SLC26A5: variants seen among roughly 807,000 people sequenced by gnomAD.
SLC26A5 encodes solute carrier family 26 member 5.
Under a neutral mutation model 81.0 loss-of-function variants are expected in SLC26A5, and 51 were observed. The observed-to-expected ratio is 0.63, with a 90% CI of 0.50 to 0.80. The LOEUF is 0.80. Ranked by LOEUF, SLC26A5 falls within the 30% of genes least tolerant of loss-of-function variation. The pLI is 0.00. For missense variants in SLC26A5, 771 were observed against 905.8 expected (o/e 0.85, Z 1.91); for synonymous variants, 325 against 332.8 (o/e 0.98, Z 0.25).
rs147357121 is a variant in SLC26A5 at position 103,375,620 on chromosome 7, G to A, written c.2042-1028C>T. Among the ~76,000 whole-genome samples, 570 of 152,256 alleles carry A rather than the reference G, an allele frequency of 3.7e-3. 4 individuals carry two copies. Among genetic ancestry groups the A allele is most frequent in the African/African-American group, 0.013 (539 of 41,548 alleles). On this transcript the variant is annotated intron_variant, in intron 19 of 19. Transcript: ENST00000306312. ...ATTATTATTTTTTCTTTTAAATAAA[G>A]ATGGGATCTCACTATGTTGCTTAGG...
chr7:103,388,924 C>T (rs1189414679), intron 14 of SLC26A5, 84 bp downstream of exon 14: 1 of 976,182 alleles, frequency 1.0e-6, no homozygotes, highest in Non-Finnish European at 1.6e-6. Flanking sequence ...TCCACTTCTA[C>T]CAACTTAAAC....
chr7:103,411,621 G>T, intron 5 of SLC26A5, 35 bp from the exon 6 acceptor site: 1 of 1,612,398 alleles, frequency 6.2e-7, no homozygotes, highest in Non-Finnish European at 8.5e-7. Flanking sequence ...CCTGTTCAGG[G>T]TTCAGAGTAT....
At chr7:103,420,708 A>C in intron 4 of SLC26A5, 30 bp downstream of exon 4, 1 of 1,613,448 alleles carries the variant, frequency 6.2e-7, no homozygotes, top group Non-Finnish European at 8.5e-7. Context: ...TGAGGACAGC[A>C]AGGGGGGAAA....
chr7:103,364,981 A>ATATATATATATT lies in SLC26A5; in HGVS notation c.2041+11826_2041+11827insAATATATATATA, dbSNP rs950613120. 3.9e-3 allele frequency among the ~76,000 whole-genome samples: 553 copies of ATATATATATATT among 140,738 alleles called. 6 individuals carry two copies. The highest frequency in any genetic ancestry group is 0.014 in the African/African-American group (528 of 38,148). The allele number at this position is 140,738 out of a possible 152,430, so 92.3% of individuals were successfully genotyped here. A position where few individuals can be genotyped will look rare whatever the true frequency, so the allele number is the denominator to read the frequency against. ...TACATATATATATATATATATATAT[A>ATATATATATATT]TATTTAGAGAATAAGTCTAGGGCTA... On this transcript the variant is annotated intron_variant, in intron 19 of 19. Transcript: ENST00000339444.
chr7:103,364,958 C>CATACATATATATATATATATATAT lies in SLC26A5; in HGVS notation c.2041+11849_2041+11850insATATATATATATATATATATGTAT, dbSNP rs374432802. On this transcript the variant is annotated intron_variant, in intron 19 of 19. Transcript: ENST00000339444. ...GGTTGTTTTTATGTTTGTAGACATACATATATATATATATATATATATATA... is the reference window on the plus strand; with the variant it reads ...GGTTGTTTTTATGTTTGTAGACATACATACATATATATATATATATATATATATATATATATATATATATATATA... Among the ~76,000 whole-genome samples the CATACATATATATATATATATATAT allele has an allele frequency of 1.1e-3, 135 of 125,438 alleles. 1 individual carries two copies. Among genetic ancestry groups the CATACATATATATATATATATATAT allele is most frequent in the African/African-American group, 3.9e-3 (133 of 34,134 alleles). 82.3% of individuals were successfully genotyped at this position (125,438 alleles called of 152,430 possible). A position where few individuals can be genotyped will look rare whatever the true frequency, so the allele number is the denominator to read the frequency against.
chr7:103,417,473 G>C (rs1242420900), intron 4 of SLC26A5, among the ~76,000 whole-genome samples: 1 of 151,224 alleles, frequency 6.6e-6, no homozygotes, highest in Non-Finnish European at 1.5e-5. Flanking sequence ...TCTTCTGCTG[G>C]TTCCTCCTTC....
At chr7:103,371,480 A>T (rs1821035128), downstream of SLC26A5, among the ~76,000 whole-genome samples, 1 of 150,576 alleles carries the variant, frequency 6.6e-6, no homozygotes, top group Non-Finnish European at 1.5e-5. Flanking sequence ...GCCCGCCACT[A>T]CGCCCGGCTA....
At chr7:103,381,315 A>C (rs955696259) in intron 14 of SLC26A5, among the ~76,000 whole-genome samples, 1 of 151,400 alleles carries the variant, frequency 6.6e-6, no homozygotes, top group African/African-American at 2.4e-5. Context: ...CACATAATGC[A>C]TGTACACCAC....
chr7:103,376,998 T>C lies in SLC26A5; in HGVS notation c.1987-136A>G, dbSNP rs566020434. 1.7e-5 allele frequency: 11 copies of C among 634,284 alleles called. No homozygotes were observed. In the Admixed American group the frequency reaches 3.2e-4, roughly 18 times the overall value. 39.3% of individuals were successfully genotyped at this position (634,284 alleles called of 1,614,324 possible). A position where few individuals can be genotyped will look rare whatever the true frequency, so the allele number is the denominator to read the frequency against. Reference sequence around the variant, plus strand: ...CTACTTTGCTTCAATAATGATGTATTTTTGAGCTAATCAGTTAAAAATAAT... The same window carrying C: ...CTACTTTGCTTCAATAATGATGTATCTTTGAGCTAATCAGTTAAAAATAAT... On this transcript the variant is annotated intron_variant, in intron 18 of 19. Coordinates refer to ENST00000306312, the MANE Select transcript of SLC26A5 (RefSeq NM_198999.3).
At chr7:103,366,408 C>T (rs1007866111) in intron 19 of SLC26A5, among the ~76,000 whole-genome samples, 6 of 151,946 alleles carry the variant, frequency 3.9e-5, no homozygotes, top group South Asian at 4.2e-4. Flanking sequence ...ATCCCTTAGC[C>T]GAAATGTTTG....
At chr7:103,420,289 CTTTTT>C (rs35755959) in intron 4 of SLC26A5, among the ~76,000 whole-genome samples, 1,224 of 90,582 alleles carry the variant, frequency 0.014, 14 homozygotes, top group African/African-American at 0.049. Context: ...ATCCCTGGAG[CTTTTT>C]TTTTTTTTTT....
chr7:103,377,693 CT>C lies in SLC26A5; in HGVS notation c.1891del (p.Arg631AspfsTer27), dbSNP rs1215807562. ...IKSTFPEEMQ[R>X]FMPPGDNVHT... ...GACGTTATCCCCTGGGGGCATAAAT[CT>C]TTGCATTTCCTCAGGAAATGTGCTT... is the stretch of plus-strand genomic sequence containing the variant. On this transcript the variant is annotated frameshift_variant, in exon 18 of 20. Transcript: ENST00000306312. LOFTEE classifies it high-confidence loss of function. 1 of 1,614,054 alleles carries C rather than the reference CT, an allele frequency of 6.2e-7. No homozygotes were observed.
intron 9 of SLC26A5, 142 bp downstream of exon 9, chr7:103,397,790 C>T (rs1823263087): frequency 1.6e-6 from 1 of 635,578 alleles, no homozygotes; most frequent in Non-Finnish European, 2.8e-6. Context: ...AAATAAAATG[C>T]ACCCAATCCC....
At chr7:103,405,052 C>G (rs530463658) in intron 8 of SLC26A5, among the ~76,000 whole-genome samples, 25 of 152,226 alleles carry the variant, frequency 1.6e-4, no homozygotes, top group African/African-American at 5.8e-4. Context: ...ATGTTCTTCT[C>G]TAAACTGGTT....
At chr7:103,415,887 CTCT>C (rs1420080235) in intron 4 of SLC26A5, among the ~76,000 whole-genome samples, 2 of 152,110 alleles carry the variant, frequency 1.3e-5, no homozygotes, top group Non-Finnish European at 2.9e-5. Context: ...TCTGTTTACT[CTCT>C]TCTTTCTTTC....
intron 2 of SLC26A5, among the ~76,000 whole-genome samples, chr7:103,430,521 T>C (rs1362928488): frequency 6.7e-6 from 1 of 149,594 alleles, no homozygotes; most frequent in African/African-American, 2.5e-5. Context: ...TCTGCCACCA[T>C]GGTGGGACAT....
chr7:103,420,802 G>C lies in SLC26A5; in HGVS notation c.228C>G (p.Phe76Leu). The change falls in exon 4 of 20, where the codon TTC becomes TTG. Residue 76 changes from phenylalanine (F) to leucine (L), a missense_variant. Transcript: ENST00000306312. ...CCAAGTCACCCAACACATATTCCTT[G>C]AATTTGTATGCTGGCAGCCATTTAG... ...PITKWLPAYK[F>L]KEYVLGDLVS... 3 of 1,614,066 alleles carry C rather than the reference G, an allele frequency of 1.9e-6. No individual in the cohort carries two copies. Among genetic ancestry groups the C allele is most frequent in the Non-Finnish European group, 2.5e-6 (3 of 1,179,974 alleles).
At chr7:103,390,537 T>G in intron 11 of SLC26A5, 31 bp from the exon 12 acceptor site, 1 of 1,572,034 alleles carries the variant, frequency 6.4e-7, no homozygotes, top group Non-Finnish European at 8.8e-7. Flanking sequence ...GGAAGGGGCT[T>G]TTAGGAGACT....
chr7:103,422,579 G>A (rs1428928827), intron 2 of SLC26A5, among the ~76,000 whole-genome samples: 2 of 152,160 alleles, frequency 1.3e-5, no homozygotes, highest in Non-Finnish European at 2.9e-5. Flanking sequence ...TACCTCTAGA[G>A]AGAGGGAAAT....
Sources: gnomAD v4.1 joint callset for allele counts (sites outside exome capture counted in the v4.1 genomes callset) on GRCh38, gnomAD v4.1.1 for gene constraint, MANE v1.5 for transcripts, NCBI Gene and HGNC (gene_info 2026-07-23, HGNC 2026-07-21) for gene names.